LRRC63: variants seen among roughly 807,000 people sequenced by gnomAD.
The protein encoded by LRRC63 is leucine rich repeat containing 63.
LRRC63 carries 40 observed loss-of-function variants against 49.5 expected under a neutral mutation model. The ratio of observed to expected loss-of-function variants is 0.81; its 90% CI spans 0.63 to 1.05. The LOEUF is 1.05. Ranked by LOEUF, LRRC63 falls within the 50% of genes least tolerant of loss-of-function variation. The pLI is 0.00. For missense variants in LRRC63, 636 were observed against 663.1 expected, an observed-to-expected ratio of 0.96 and a Z score of 0.45; for synonymous variants, 191 against 221.1, an observed-to-expected ratio of 0.86 and a Z score of 1.21.
At chr13:46,270,704 A>G in intron 9 of LRRC63, 1 of 636,052 alleles carries the variant, frequency 1.6e-6, no homozygotes. Context: ...AAGAACCAGT[A>G]TCTGTGAAGC....
At chr13:46,212,814 ATTCT>A (rs1432909404) in intron 1 of LRRC63, among the ~76,000 whole-genome samples, 184 bp from the exon 2 acceptor site, 1 of 152,082 alleles carries the variant, frequency 6.6e-6, no homozygotes, top group African/African-American at 2.4e-5. Flanking sequence ...TTTTAACTGG[ATTCT>A]TTCTATTAAT....
At chr13:46,269,906 C>CATATATATATATATATATAT (rs149054055) in intron 9 of LRRC63, among the ~76,000 whole-genome samples, 12 of 145,622 alleles carry the variant, frequency 8.2e-5, no homozygotes, top group East Asian at 2.0e-4. Flanking sequence ...ACACTATATA[C>CATATATATATATATATATAT]ATATATATAT....
At chr13:46,257,608 A>G (rs183855279) in intron 7 of LRRC63, among the ~76,000 whole-genome samples, 2 of 152,276 alleles carry the variant, frequency 1.3e-5, no homozygotes, top group East Asian at 3.9e-4. Context: ...TGTGATTTTA[A>G]GTGGGATAGC....
intron 5 of LRRC63, among the ~76,000 whole-genome samples, chr13:46,241,976 C>T (rs2047075735): frequency 6.6e-6 from 1 of 152,012 alleles, no homozygotes; most frequent in African/African-American, 2.4e-5. Context: ...GGGTATATAC[C>T]CAAACCAATA....
chr13:46,274,887 C>G (rs1424630054), intron 9 of LRRC63, among the ~76,000 whole-genome samples: 2 of 152,080 alleles, frequency 1.3e-5, no homozygotes, highest in East Asian at 3.9e-4. Context: ...TGAAAATACA[C>G]AATAAATTAT....
chr13:46,276,828 G>GTGTGTATATATATA (rs1175818781), exon 10 of LRRC63: 46 of 140,042 alleles, frequency 3.3e-4, no homozygotes, highest in African/African-American at 1.6e-3. Flanking sequence ...GTATGTGTGT[G>GTGTGTATATATATA]TATATATATA....
chr13:46,255,314 C>T (rs2047482170), intron 7 of LRRC63, among the ~76,000 whole-genome samples: 2 of 152,008 alleles, frequency 1.3e-5, no homozygotes, highest in Admixed American at 1.3e-4. Context: ...TATAGAGTTT[C>T]TGTTTGGGAT....
chr13:46,254,960 C>G (rs1045405450), intron 7 of LRRC63, among the ~76,000 whole-genome samples: 1 of 152,148 alleles, frequency 6.6e-6, no homozygotes, highest in Non-Finnish European at 1.5e-5. Flanking sequence ...ATCAACAAAA[C>G]AGTGGAAAAC....
chr13:46,244,227 G>A (rs927944076), intron 5 of LRRC63, among the ~76,000 whole-genome samples: 2 of 152,030 alleles, frequency 1.3e-5, no homozygotes, highest in African/African-American at 4.8e-5. Context: ...AGGTTGGAAG[G>A]GGCTAAATGT....
intron 9 of LRRC63, among the ~76,000 whole-genome samples, chr13:46,269,285 A>G (rs187359010): frequency 2.2e-3 from 332 of 152,242 alleles, no homozygotes; most frequent in African/African-American, 7.7e-3. Context: ...TAGAGAAGGT[A>G]ATAAAGGTTG....
At chr13:46,257,920 T>A (rs2047541772) in intron 7 of LRRC63, among the ~76,000 whole-genome samples, 2 of 152,128 alleles carry the variant, frequency 1.3e-5, no homozygotes, top group African/African-American at 4.8e-5. Context: ...TGCATATATT[T>A]TTTTTCCCAG....
At chr13:46,233,212 T>C (rs1482654792) in intron 4 of LRRC63, among the ~76,000 whole-genome samples, 1 of 152,168 alleles carries the variant, frequency 6.6e-6, no homozygotes, top group African/African-American at 2.4e-5. Flanking sequence ...CTTCCTCATT[T>C]CTACTCAACA....
intron 7 of LRRC63, among the ~76,000 whole-genome samples, chr13:46,258,265 G>T (rs2047550447): frequency 6.6e-6 from 1 of 151,314 alleles, no homozygotes; most frequent in Admixed American, 6.6e-5. Flanking sequence ...AAGTAGCTGG[G>T]ATTACAGGCA....
chr13:46,247,993 GGAA>G (rs1434855557), intron 6 of LRRC63, among the ~76,000 whole-genome samples: 1 of 151,916 alleles, frequency 6.6e-6, no homozygotes, highest in East Asian at 1.9e-4. Context: ...AGACAAAAAA[GGAA>G]GAAGGAATTG....
intron 8 of LRRC63, among the ~76,000 whole-genome samples, chr13:46,263,641 A>G (rs2047644909): frequency 6.6e-6 from 1 of 152,122 alleles, no homozygotes; most frequent in African/African-American, 2.4e-5. Context: ...TTTCTTTGGA[A>G]AGATGCTTTC....
At chr13:46,217,567 T>G (rs2046287853) in intron 2 of LRRC63, among the ~76,000 whole-genome samples, 1 of 152,216 alleles carries the variant, frequency 6.6e-6, no homozygotes, top group Admixed American at 6.5e-5. Flanking sequence ...GCTCCTGGAT[T>G]CATTGATTTT....
At chr13:46,217,489 A>G (rs2046285057) in intron 2 of LRRC63, among the ~76,000 whole-genome samples, 1 of 151,484 alleles carries the variant, frequency 6.6e-6, no homozygotes, top group South Asian at 2.1e-4. Context: ...TGTCTATTTG[A>G]TTCTTCTCTC....
intron 2 of LRRC63, among the ~76,000 whole-genome samples, chr13:46,216,761 AT>A (rs1422414111): frequency 6.6e-6 from 1 of 152,162 alleles, no homozygotes; most frequent in African/African-American, 2.4e-5. Flanking sequence ...AGCTCTTATT[AT>A]TTTGAGATAT....
At chr13:46,239,055 C>T (rs2046982572) in intron 5 of LRRC63, among the ~76,000 whole-genome samples, 1 of 152,224 alleles carries the variant, frequency 6.6e-6, no homozygotes, top group Non-Finnish European at 1.5e-5. Context: ...ACATTAGTAA[C>T]CTAACATCAA....
Sources: allele counts gnomAD v4.1 joint callset (sites outside exome capture counted in the v4.1 genomes callset), GRCh38; gene constraint gnomAD v4.1.1; transcripts MANE v1.5; gene names NCBI Gene and HGNC (gene_info 2026-07-23, HGNC 2026-07-21).